The following RGSL1 variants were observed in gnomAD, a reference collection of about 807,000 sequenced individuals.
RGSL1 encodes the protein regulator of G protein signaling like 1, also known as regulator of G protein signaling protein-like.
RGSL1 carries 97 observed loss-of-function variants against 124.7 expected under a neutral mutation model. The observed-to-expected ratio is 0.78, with a 90% confidence interval of 0.66 to 0.92. RGSL1 has a LOEUF of 0.92. Among genes scored for constraint, RGSL1 ranks in the 40% least tolerant of loss-of-function variants. RGSL1 has a pLI of 0.00. For missense variants in RGSL1, 1,233 were observed against 1,288.4 expected (o/e 0.96, Z 0.66); for synonymous variants, 424 against 438.1 (o/e 0.97, Z 0.40).
chr1:182,483,197 T>C (rs897874925), intron 6 of RGSL1, among the ~76,000 whole-genome samples: 1 of 152,146 alleles, frequency 6.6e-6, no homozygotes, highest in African/African-American at 2.4e-5. Context: ...ATTTAACGAT[T>C]CTATATTGTA....
At chr1:182,467,091 A>G (rs1653399179) in intron 4 of RGSL1, among the ~76,000 whole-genome samples, 1 of 152,190 alleles carries the variant, frequency 6.6e-6, no homozygotes, top group African/African-American at 2.4e-5. Flanking sequence ...GGAGAACTAC[A>G]AACCACTGCT....
At chr1:182,558,366 G>A (rs925507801) in intron 21 of RGSL1, among the ~76,000 whole-genome samples, 11 of 152,176 alleles carry the variant, frequency 7.2e-5, no homozygotes, top group Admixed American at 7.2e-4. Context: ...CAGTTCCTGT[G>A]TTAGTTTCCT....
chr1:182,512,264 ACTCT>A (rs541975148), intron 9 of RGSL1, among the ~76,000 whole-genome samples: 31 of 151,748 alleles, frequency 2.0e-4, no homozygotes, highest in African/African-American at 7.3e-4. Context: ...TTATATAGTG[ACTCT>A]CTGTCTCTTT....
At chr1:182,449,807 C>A (rs555455332), upstream of RGSL1, among the ~76,000 whole-genome samples, 4 of 152,124 alleles carry the variant, frequency 2.6e-5, no homozygotes, top group South Asian at 4.2e-4. Context: ...CAAATGTAAC[C>A]GTTTACAAGA....
intron 10 of RGSL1, among the ~76,000 whole-genome samples, chr1:182,523,583 T>C (rs983975966): frequency 6.6e-6 from 1 of 152,222 alleles, no homozygotes; most frequent in Non-Finnish European, 1.5e-5. Flanking sequence ...TGTAAGATCA[T>C]TAAGTCCTAG....
intron 4 of RGSL1, among the ~76,000 whole-genome samples, chr1:182,466,925 T>G (rs1215669243): frequency 6.6e-6 from 1 of 152,144 alleles, no homozygotes; most frequent in Non-Finnish European, 1.5e-5. Context: ...TACTACAAGT[T>G]TACAGCAATC....
intron 9 of RGSL1, among the ~76,000 whole-genome samples, chr1:182,521,014 A>G (rs1489413080): frequency 1.3e-5 from 2 of 152,200 alleles, no homozygotes; most frequent in Non-Finnish European, 2.9e-5. Flanking sequence ...AAGGGCTCTT[A>G]TAATACTGAG....
chr1:182,546,134 CATT>C lies in RGSL1; in HGVS notation c.2670-2180_2670-2178del, dbSNP rs545140689. Among the ~76,000 whole-genome samples the C allele has an allele frequency of 3.3e-3, 499 of 152,120 alleles. 1 individual carries two copies. Among genetic ancestry groups the C allele is most frequent in the South Asian group, 5.4e-3 (26 of 4,818 alleles). ...CTTTTTACTTTTTTCTCCTCTGTCT[CATT>C]ATATTTGAGTTCTGAGATAGTGCTG... is the stretch of plus-strand genomic sequence containing the variant. On this transcript the variant is annotated intron_variant, in intron 15 of 21. Coordinates refer to ENST00000294854, the MANE Select transcript of RGSL1 (RefSeq NM_001137669.2).
chr1:182,522,175 C>A, intron 10 of RGSL1, 66 bp downstream of exon 10: 2 of 1,095,244 alleles, frequency 1.8e-6, no homozygotes, highest in Non-Finnish European at 2.7e-6. Context: ...CTCAACATGT[C>A]TAATGGTAAA....
chr1:182,482,148 C>A (rs757015281), intron 6 of RGSL1, among the ~76,000 whole-genome samples: 3 of 152,112 alleles, frequency 2.0e-5, no homozygotes, highest in African/African-American at 7.2e-5. Context: ...ATGATCAGCT[C>A]AACAGATGCA....
At position 182,454,011 on chromosome 1, in the gene RGSL1, G is replaced by A. The variant is rs41299607; in HGVS notation, c.67G>A (p.Asp23Asn). 52,447 of 1,531,714 alleles carry A rather than the reference G, an allele frequency of 0.034. 1,053 individuals carry two copies. The highest frequency in any genetic ancestry group is 0.039 in the Non-Finnish European group (44,377 of 1,128,934). 94.9% of individuals were successfully genotyped at this position (1,531,714 alleles called of 1,614,324 possible). A position where few individuals can be genotyped will look rare whatever the true frequency, so the allele number is the denominator to read the frequency against. ...IILLEDEVFA[D>N]FFNTFLSLPV... The stretch of plus-strand genomic sequence containing the variant: ...TCTGCTAGAGGATGAAGTCTTTGCC[G>A]ATTTTTTCAACACATTTCTTTCCCT... Residue 23 changes from aspartate to asparagine, a missense_variant, in exon 2 of 22, where the codon GAT becomes AAT. Asp to Asn is a conservative substitution (Grantham distance 23). Coordinates refer to ENST00000294854, the MANE Select transcript of RGSL1 (RefSeq NM_001137669.2).
intron 5 of RGSL1, 117 bp from the exon 6 acceptor site, chr1:182,473,458 G>A: frequency 8.9e-7 from 1 of 1,128,624 alleles, no homozygotes; most frequent in Non-Finnish European, 1.2e-6. Flanking sequence ...ATTATATGAG[G>A]AACTAATAAA....
chr1:182,502,613 C>T (rs970742978), intron 9 of RGSL1, among the ~76,000 whole-genome samples: 1 of 152,086 alleles, frequency 6.6e-6, no homozygotes, highest in East Asian at 1.9e-4. Context: ...GCATGCTGTT[C>T]TTTATCTAGT....
At chr1:182,459,925 G>T in intron 3 of RGSL1, 79 bp from the exon 4 acceptor site, 1 of 1,497,152 alleles carries the variant, frequency 6.7e-7, no homozygotes, top group Non-Finnish European at 9.0e-7. Flanking sequence ...GAGGTGATTA[G>T]TTGCCACTTA....
rs899577971 is a variant in RGSL1 at position 182,487,551 on chromosome 1, G to A, written c.1432-734G>A. On this transcript the variant is annotated intron_variant, in intron 6 of 21. Transcript: ENST00000294854. ...TGAGCTCCTACTTATCCTGCAAGGTGCACAGTTAGATTAAACCTCCTTACC... is the reference window on the plus strand; with the variant it reads ...TGAGCTCCTACTTATCCTGCAAGGTACACAGTTAGATTAAACCTCCTTACC... Among the ~76,000 whole-genome samples, 4 of 152,198 alleles carry A rather than the reference G, an allele frequency of 2.6e-5. No homozygotes were observed. The East Asian group carries it at 7.7e-4, about 29-fold the overall frequency.
chr1:182,474,489 C>G lies in RGSL1; in HGVS notation c.1378C>G (p.Pro460Ala). ...QTIQGLKELLPSGDVIPWIPK... is the reference protein window; with the variant it reads ...QTIQGLKELLASGDVIPWIPK... ...CATTCAGGGCCTGAAGGAACTATTG[C>G]CCTCTGGGGATGTGATCCCCTGGAT... The change falls in exon 6 of 22, where the codon CCC (proline) becomes GCC (alanine). Residue 460 changes from proline to alanine, a missense_variant. Physicochemically the swap from Pro to Ala is conservative, Grantham distance 27 (BLOSUM62 -1). Coordinates refer to ENST00000294854, the MANE Select transcript of RGSL1 (RefSeq NM_001137669.2). 1 of 1,551,054 alleles carries G rather than the reference C, an allele frequency of 6.4e-7. No individual in the cohort carries two copies.
chr1:182,485,743 A>G (rs930218998), intron 6 of RGSL1, among the ~76,000 whole-genome samples: 1 of 152,176 alleles, frequency 6.6e-6, no homozygotes, highest in African/African-American at 2.4e-5. Flanking sequence ...ACAGTCTGGG[A>G]GCCAAATTCG....
chr1:182,511,259 G>A (rs926865616), intron 9 of RGSL1, among the ~76,000 whole-genome samples: 4 of 152,016 alleles, frequency 2.6e-5, no homozygotes, highest in East Asian at 1.9e-4. Context: ...TGTGCCTCCC[G>A]GTTCAAGAGA....
At chr1:182,499,824 A>T (rs1311546103) in intron 9 of RGSL1, among the ~76,000 whole-genome samples, 3 of 152,116 alleles carry the variant, frequency 2.0e-5, no homozygotes, top group Non-Finnish European at 4.4e-5. Flanking sequence ...TCATTTCCAT[A>T]TTTAGCACTC....
Sources: allele counts gnomAD v4.1 joint callset (sites outside exome capture counted in the v4.1 genomes callset), GRCh38; gene constraint gnomAD v4.1.1; transcripts MANE v1.5; gene names NCBI Gene and HGNC (gene_info 2026-07-23, HGNC 2026-07-21).